Variants in TPTE2 observed in about 807,000 individuals in gnomAD.
TPTE2 encodes the protein phosphatidylinositol 3,4,5-trisphosphate 3-phosphatase TPTE2.
A neutral mutation model predicts 78.6 loss-of-function variants in TPTE2; 53 were observed. The ratio of observed to expected loss-of-function variants is 0.67; its 90% CI spans 0.54 to 0.85. The LOEUF (loss-of-function observed/expected upper bound fraction) is 0.85. TPTE2 is among the 40% of genes least tolerant of loss of function. TPTE2 has a pLI of 0.00. For synonymous variants in TPTE2, 175 were observed against 206.2 expected (o/e 0.85, Z 1.30); for missense variants, 461 against 623.0 (o/e 0.74, Z 2.77).
intron 13 of TPTE2, among the ~76,000 whole-genome samples, chr13:19,449,849 C>T (rs929483314): frequency 1.8e-4 from 28 of 152,038 alleles, no homozygotes; most frequent in Non-Finnish European, 3.2e-4. Flanking sequence ...CTCAACCTTC[C>T]TTAGTTCTTT....
chr13:19,538,252 A>C (rs938166939), upstream of TPTE2, among the ~76,000 whole-genome samples: 1 of 151,608 alleles, frequency 6.6e-6, no homozygotes, highest in African/African-American at 2.4e-5. Flanking sequence ...ACGGAGTCTC[A>C]CTCTGTCACC....
chr13:19,521,336 T>A (rs1593416891), intron 1 of TPTE2, among the ~76,000 whole-genome samples: 1 of 99,534 alleles, frequency 1.0e-5, no homozygotes, highest in East Asian at 3.2e-4. Flanking sequence ...TTAATAAAAA[T>A]TTTTGCCTTT....
At chr13:19,494,194 CAG>C (rs1218914398) in intron 1 of TPTE2, among the ~76,000 whole-genome samples, 3 of 152,186 alleles carry the variant, frequency 2.0e-5, no homozygotes, top group Admixed American at 6.5e-5. Flanking sequence ...GGCGACAAGA[CAG>C]TAACAGATGG....
chr13:19,497,453 G>C (rs1352538372), intron 1 of TPTE2, among the ~76,000 whole-genome samples: 1 of 115,992 alleles, frequency 8.6e-6, no homozygotes. Flanking sequence ...CTGGAGATCT[G>C]AGAACGGGCA....
chr13:19,451,230 A>G lies in TPTE2; in HGVS notation c.742-5T>C. 1 of 1,613,418 alleles carries G rather than the reference A, an allele frequency of 6.2e-7. No homozygotes were observed. Among genetic ancestry groups the G allele is most frequent in the Non-Finnish European group, 8.5e-7 (1 of 1,179,580 alleles). ...ATCTAGAAACCGCACAACTTCCTAAAAAAGACAAACACATATCTTACATAT... is the reference window on the plus strand; with the variant it reads ...ATCTAGAAACCGCACAACTTCCTAAGAAAGACAAACACATATCTTACATAT... On this transcript the variant is annotated splice_region_variant and splice_polypyrimidine_tract_variant and intron_variant, in intron 10 of 19. Transcript: ENST00000400230.
At chr13:19,513,552 CAT>C in intron 1 of TPTE2, among the ~76,000 whole-genome samples, 1 of 152,266 alleles carries the variant, frequency 6.6e-6, no homozygotes, top group African/African-American at 2.4e-5. Flanking sequence ...CAAGAAACAA[CAT>C]AAATGCATAC....
rs1367073114 is a variant in TPTE2, at chr13:19,457,599, G to A, written c.742-6374C>T. Among the ~76,000 whole-genome samples, 6 of 149,800 alleles carry A rather than the reference G, an allele frequency of 4.0e-5. No individual in the cohort carries two copies. The East Asian group carries it at 6.1e-4, about 15-fold the overall frequency. On this transcript the variant is annotated intron_variant, in intron 10 of 19. Transcript: ENST00000400230. ...TCATGTGTTCTCATTGTCAGCTCCC[G>A]CATGTAAGTGAGAACATGCGATGTT...
intron 3 of TPTE2, among the ~76,000 whole-genome samples, chr13:19,484,996 T>C (rs1880576652): frequency 6.6e-6 from 1 of 152,184 alleles, no homozygotes; most frequent in African/African-American, 2.4e-5. Flanking sequence ...TATTGGTAGG[T>C]GAGGAGTTAC....
At chr13:19,552,263 A>G in the TPTE2 span, among the ~76,000 whole-genome samples, 3 of 152,234 alleles carry the variant, frequency 2.0e-5, no homozygotes, top group African/African-American at 7.2e-5. Flanking sequence ...AAAATTCACC[A>G]AGTAATAACC....
At chr13:19,511,198 A>G (rs1421133869) in intron 1 of TPTE2, among the ~76,000 whole-genome samples, 2 of 152,244 alleles carry the variant, frequency 1.3e-5, no homozygotes, top group Admixed American at 1.3e-4. Flanking sequence ...GGCAAATGGT[A>G]GGAAGCAATA....
intron 17 of TPTE2, among the ~76,000 whole-genome samples, chr13:19,429,111 T>C (rs936433349): frequency 3.3e-5 from 5 of 152,260 alleles, no homozygotes; most frequent in African/African-American, 1.2e-4. Context: ...AGGTGTTAAC[T>C]GGCTCTGACC....
intron 13 of TPTE2, among the ~76,000 whole-genome samples, chr13:19,449,683 GA>G (rs1878055571): frequency 6.6e-6 from 1 of 151,810 alleles, no homozygotes; most frequent in African/African-American, 2.4e-5. Flanking sequence ...TAAATATATT[GA>G]TTTTTTTGTT....
At chr13:19,493,811 T>C (rs1881152181) in intron 1 of TPTE2, among the ~76,000 whole-genome samples, 1 of 152,196 alleles carries the variant, frequency 6.6e-6, no homozygotes, top group Non-Finnish European at 1.5e-5. Context: ...CTCCAGTTTG[T>C]AGGTAGGCAG....
upstream of TPTE2, among the ~76,000 whole-genome samples, chr13:19,539,418 C>A (rs888454894): frequency 1.3e-5 from 2 of 152,188 alleles, no homozygotes; most frequent in African/African-American, 4.8e-5. Flanking sequence ...AGTTCCCCTG[C>A]ACACGCTCTC....
At chr13:19,463,210 G>A (rs1469690542) in intron 10 of TPTE2, among the ~76,000 whole-genome samples, 1 of 151,810 alleles carries the variant, frequency 6.6e-6, no homozygotes, top group Non-Finnish European at 1.5e-5. Context: ...TTGAACTCCT[G>A]GCCTCAAGTG....
intron 13 of TPTE2, among the ~76,000 whole-genome samples, chr13:19,448,430 A>G (rs1398208559): frequency 1.3e-5 from 2 of 152,188 alleles, no homozygotes; most frequent in East Asian, 1.9e-4. Context: ...TACATTCGAT[A>G]ATAGGTTAAC....
At chr13:19,528,028 A>G (rs1174585768) in intron 1 of TPTE2, among the ~76,000 whole-genome samples, 6 of 152,092 alleles carry the variant, frequency 3.9e-5, no homozygotes, top group Non-Finnish European at 8.8e-5. Flanking sequence ...CAGTGTGGAA[A>G]CTGCAGTGTG....
chr13:19,493,507 G>A lies in TPTE2; in HGVS notation c.12-6C>T, dbSNP rs552960088. ...TAAATTCGTTTGTCTGTGGACTAGC[G>A]GATGATAAGAGAATACAGTCAGAGA... On this transcript the variant is annotated splice_region_variant and splice_polypyrimidine_tract_variant and intron_variant, in intron 1 of 19. Coordinates refer to ENST00000400230, the Ensembl canonical transcript of TPTE2. 6.9e-5 allele frequency: 111 copies of A among 1,613,260 alleles called. No individual in the cohort carries two copies. Among genetic ancestry groups the A allele is most frequent in the African/African-American group, 1.1e-4 (8 of 74,962 alleles).
chr13:19,472,583 C>A (rs935204528), intron 6 of TPTE2, among the ~76,000 whole-genome samples: 22 of 152,270 alleles, frequency 1.4e-4, no homozygotes, highest in Non-Finnish European at 2.1e-4. Context: ...TCTTGAATTT[C>A]TTTGAGTTCC....
Sources: gnomAD v4.1 joint callset for allele counts (sites outside exome capture counted in the v4.1 genomes callset) on GRCh38, gnomAD v4.1.1 for gene constraint, MANE v1.5 for transcripts, NCBI Gene and HGNC (gene_info 2026-07-23, HGNC 2026-07-21) for gene names.